FER: variants seen among roughly 807,000 people sequenced by gnomAD.
The protein encoded by FER is FER tyrosine kinase.
Under a neutral mutation model 111.0 loss-of-function variants are expected in FER, and 63 were observed. The observed-to-expected ratio is 0.57, with a 90% CI of 0.46 to 0.70. The LOEUF (loss-of-function observed/expected upper bound fraction) is 0.70, where lower values mean the gene tolerates loss of function less well. FER is among the 30% of genes least tolerant of loss of function. The pLI, the probability that FER is intolerant of heterozygous loss-of-function variation, is 0.00. For synonymous variants in FER, 327 were observed against 313.9 expected (o/e 1.04, Z -0.44); for missense variants, 914 against 954.0 (o/e 0.96, Z 0.55).
At chr5:109,069,778 G>A (rs1775555164) in intron 16 of FER, among the ~76,000 whole-genome samples, 1 of 152,004 alleles carries the variant, frequency 6.6e-6, no homozygotes, top group African/African-American at 2.4e-5. Context: ...ACTTCAGAAG[G>A]ATGAGCCATA....
At chr5:109,119,348 GT>G (rs1310775570) in intron 17 of FER, among the ~76,000 whole-genome samples, 4 of 152,132 alleles carry the variant, frequency 2.6e-5, no homozygotes, top group Non-Finnish European at 5.9e-5. Context: ...CTGAGTTCTA[GT>G]TTGTTTGCAC....
intron 10 of FER, among the ~76,000 whole-genome samples, chr5:108,902,058 CAG>C (rs1023727927): frequency 5.3e-4 from 81 of 152,150 alleles, no homozygotes; most frequent in African/African-American, 1.7e-3. Context: ...CTGAACTTAA[CAG>C]AGTGTTTCTA....
At chr5:109,041,072 C>G (rs1267874408) in intron 14 of FER, among the ~76,000 whole-genome samples, 1 of 152,072 alleles carries the variant, frequency 6.6e-6, no homozygotes, top group Non-Finnish European at 1.5e-5. Flanking sequence ...ATCCAGAAAA[C>G]TGGGAGTGTG....
intron 17 of FER, among the ~76,000 whole-genome samples, chr5:109,179,339 GT>G (rs758923958): frequency 6.6e-6 from 1 of 152,140 alleles, no homozygotes; most frequent in Non-Finnish European, 1.5e-5. Context: ...AGGGATTTAA[GT>G]TTTTGTGTAT....
chr5:108,814,068 T>A (rs1455094680), intron 3 of FER, among the ~76,000 whole-genome samples: 1 of 151,272 alleles, frequency 6.6e-6, no homozygotes, highest in Non-Finnish European at 1.5e-5. Flanking sequence ...TCCTCTAGTT[T>A]TGTGAATATA....
intron 16 of FER, among the ~76,000 whole-genome samples, chr5:109,091,578 C>G (rs1175658059): frequency 1.3e-5 from 2 of 152,152 alleles, no homozygotes; most frequent in African/African-American, 4.8e-5. Flanking sequence ...TCCTAAAACC[C>G]CAGACCTGTA....
chr5:109,033,942 C>T (rs2149871235), intron 13 of FER, among the ~76,000 whole-genome samples: 1 of 152,192 alleles, frequency 6.6e-6, no homozygotes, highest in Non-Finnish European at 1.5e-5. Context: ...TTATATCAAG[C>T]TAACTAACAT....
At chr5:109,181,339 C>T (rs1758272783) in intron 18 of FER, among the ~76,000 whole-genome samples, 1 of 152,116 alleles carries the variant, frequency 6.6e-6, no homozygotes, top group Non-Finnish European at 1.5e-5. Context: ...GCATCTCAGT[C>T]TGTGGAACTG....
intron 13 of FER, among the ~76,000 whole-genome samples, chr5:108,986,927 G>C (rs1451863753): frequency 6.6e-6 from 1 of 151,854 alleles, no homozygotes; most frequent in South Asian, 2.1e-4. Context: ...GTCAATGACG[G>C]TTCTTTTTTG....
chr5:109,089,449 C>T (rs1777921923), intron 16 of FER, among the ~76,000 whole-genome samples: 2 of 152,120 alleles, frequency 1.3e-5, no homozygotes, highest in Admixed American at 1.3e-4. Context: ...TGATGAAGTG[C>T]TAGTGCCTTG....
chr5:108,826,241 T>C (rs1289345516), intron 3 of FER, among the ~76,000 whole-genome samples: 1 of 152,208 alleles, frequency 6.6e-6, no homozygotes, highest in Non-Finnish European at 1.5e-5. Flanking sequence ...AAATTATTGA[T>C]TCGTGTATGT....
intron 16 of FER, among the ~76,000 whole-genome samples, chr5:109,087,616 A>C (rs1777705591): frequency 6.7e-6 from 1 of 149,014 alleles, no homozygotes; most frequent in Non-Finnish European, 1.5e-5. Flanking sequence ...ATATTCTTGG[A>C]GGTATAATGG....
intron 13 of FER, among the ~76,000 whole-genome samples, chr5:109,030,959 G>A (rs973729459): frequency 6.6e-5 from 10 of 152,090 alleles, no homozygotes; most frequent in African/African-American, 2.2e-4. Flanking sequence ...AGGCTTGGTC[G>A]CTCATTTGTC....
intron 5 of FER, among the ~76,000 whole-genome samples, chr5:108,851,541 G>C (rs545607751): frequency 6.5e-4 from 99 of 152,170 alleles, no homozygotes; most frequent in African/African-American, 2.3e-3. Context: ...ATGCCATGTA[G>C]TACTTTGTTC....
intron 10 of FER, among the ~76,000 whole-genome samples, chr5:108,930,652 G>A (rs111734068): frequency 0.048 from 5,744 of 120,260 alleles, 328 homozygotes; most frequent in African/African-American, 0.14. Context: ...ACAGGGTCTC[G>A]CTCTGTCTCC....
At chr5:109,106,862 T>C (rs1179054799) in intron 17 of FER, among the ~76,000 whole-genome samples, 1 of 152,198 alleles carries the variant, frequency 6.6e-6, no homozygotes, top group East Asian at 1.9e-4. Context: ...TTGGCTTGGG[T>C]TAATGTACCA....
At chr5:108,801,744 C>G (rs967710782) in intron 3 of FER, among the ~76,000 whole-genome samples, 1 of 151,808 alleles carries the variant, frequency 6.6e-6, no homozygotes, top group African/African-American at 2.4e-5. Flanking sequence ...TTTTTTCTTT[C>G]CTTAAGTTGA....
intron 3 of FER, among the ~76,000 whole-genome samples, chr5:108,819,606 A>G (rs1187206850): frequency 6.6e-6 from 1 of 152,178 alleles, no homozygotes; most frequent in Admixed American, 6.5e-5. Context: ...GGTAATATTA[A>G]TAAGTGAAGC....
chr5:108,771,029 C>T (rs1038689329), intron 2 of FER, among the ~76,000 whole-genome samples: 8 of 151,306 alleles, frequency 5.3e-5, no homozygotes, highest in South Asian at 2.1e-4. Flanking sequence ...CTCTGCCTCC[C>T]GGGTTCAAGC....
Sources: gnomAD v4.1 joint callset for allele counts (sites outside exome capture counted in the v4.1 genomes callset) on GRCh38, gnomAD v4.1.1 for gene constraint, MANE v1.5 for transcripts, NCBI Gene and HGNC (gene_info 2026-07-23, HGNC 2026-07-21) for gene names.